DPYD: variants seen among roughly 807,000 people sequenced by gnomAD.
The protein encoded by DPYD is dihydropyrimidine dehydrogenase [NADP(+)].
In DPYD, 109 loss-of-function variants were observed where a neutral mutation model predicts 116.2. That is an observed-to-expected ratio of 0.94 (90% CI 0.80 to 1.10). The LOEUF (loss-of-function observed/expected upper bound fraction) is 1.10, where lower values mean the gene tolerates loss of function less well. Among genes scored for constraint, DPYD ranks in the 50% least tolerant of loss-of-function variants. The probability of loss-of-function intolerance (pLI) is 0.00; values close to 1 mark genes in which losing one functional copy is unlikely to be tolerated. For synonymous variants in DPYD, 440 were observed against 432.0 expected, an observed-to-expected ratio of 1.02 and a Z score of -0.23; for missense variants, 1,302 against 1,254.5, an observed-to-expected ratio of 1.04 and a Z score of -0.57.
intron 20 of DPYD, among the ~76,000 whole-genome samples, chr1:97,121,243 T>C (rs1408456107): frequency 6.6e-6 from 1 of 152,122 alleles, no homozygotes; most frequent in Admixed American, 6.6e-5. Context: ...AAATTGTTTC[T>C]TCAAGCCTTT....
At chr1:97,423,374 A>C (rs1382328820) in intron 14 of DPYD, among the ~76,000 whole-genome samples, 4 of 151,942 alleles carry the variant, frequency 2.6e-5, no homozygotes, top group African/African-American at 9.7e-5. Flanking sequence ...GATTATGGCT[A>C]AGTGGGGTAG....
chr1:97,871,217 C>T (rs1053179643), intron 2 of DPYD, among the ~76,000 whole-genome samples: 2 of 151,874 alleles, frequency 1.3e-5, no homozygotes, highest in African/African-American at 4.8e-5. Context: ...ACCTATAATA[C>T]ATCATACAAT....
chr1:97,755,527 T>A (rs923416668), intron 3 of DPYD, among the ~76,000 whole-genome samples: 16 of 152,188 alleles, frequency 1.1e-4, no homozygotes, highest in African/African-American at 3.9e-4. Context: ...CTGTGCACAA[T>A]GAGTCTGCTT....
intron 3 of DPYD, among the ~76,000 whole-genome samples, chr1:97,807,990 A>AT (rs1291176642): frequency 1.3e-5 from 2 of 152,118 alleles, no homozygotes; most frequent in Non-Finnish European, 2.9e-5. Context: ...TATCCTTTCA[A>AT]TAACACCACA....
At chr1:97,864,010 T>A (rs1336874022) in intron 2 of DPYD, among the ~76,000 whole-genome samples, 2 of 151,948 alleles carry the variant, frequency 1.3e-5, no homozygotes, top group Admixed American at 6.6e-5. Context: ...AGGAACTTAG[T>A]AGGTAAAGGA....
At chr1:97,146,877 A>C (rs1654670218) in intron 20 of DPYD, among the ~76,000 whole-genome samples, 1 of 152,202 alleles carries the variant, frequency 6.6e-6, no homozygotes, top group African/African-American at 2.4e-5. Context: ...GGGAAAAATA[A>C]ACAAAGCTTC....
chr1:97,134,598 C>A (rs1428092917), intron 20 of DPYD, among the ~76,000 whole-genome samples: 1 of 152,152 alleles, frequency 6.6e-6, no homozygotes, highest in Non-Finnish European at 1.5e-5. Context: ...GGAAACGTGT[C>A]AACAAAGGCT....
At chr1:97,778,933 A>G (rs2101198905) in intron 3 of DPYD, among the ~76,000 whole-genome samples, 1 of 152,236 alleles carries the variant, frequency 6.6e-6, no homozygotes, top group East Asian at 1.9e-4. Context: ...TAGCATTGAA[A>G]CATACTGCCA....
intron 13 of DPYD, among the ~76,000 whole-genome samples, chr1:97,467,140 T>C (rs775010887): frequency 5.3e-5 from 8 of 152,150 alleles, no homozygotes; most frequent in Non-Finnish European, 1.0e-4. Flanking sequence ...AACGATAAAA[T>C]ATGTCTCTAA....
chr1:97,776,687 T>G (rs1438737459), intron 3 of DPYD, among the ~76,000 whole-genome samples: 1 of 152,190 alleles, frequency 6.6e-6, no homozygotes, highest in African/African-American at 2.4e-5. Context: ...GATACTCAGC[T>G]TCCTCATTAA....
intron 18 of DPYD, among the ~76,000 whole-genome samples, chr1:97,262,432 C>T (rs1663950223): frequency 6.6e-6 from 1 of 152,028 alleles, no homozygotes; most frequent in African/African-American, 2.4e-5. Context: ...AACATCATCA[C>T]CTTTATCATT....
chr1:97,890,877 T>G (rs981197984), intron 1 of DPYD, among the ~76,000 whole-genome samples: 2 of 151,988 alleles, frequency 1.3e-5, no homozygotes, highest in Admixed American at 1.3e-4. Context: ...TGAATGTAAT[T>G]TATTGGCTAC....
intron 18 of DPYD, among the ~76,000 whole-genome samples, chr1:97,285,975 G>C (rs1369798156): frequency 6.6e-6 from 1 of 152,076 alleles, no homozygotes; most frequent in Non-Finnish European, 1.5e-5. Flanking sequence ...GATGTTAGCT[G>C]GTTATTTTGC....
Position 97,546,394 on chromosome 1 carries a change from A to G in DPYD, c.1524+3166T>C, listed in dbSNP as rs572502238. On this transcript the variant is annotated intron_variant, in intron 12 of 22. Transcript: ENST00000370192. ...GGAAGATGAAGAAGAAGTTTCAGAT[A>G]AGGGCAGTGATTCTGAAGAAGAAGA... The G allele has an allele frequency of 6.1e-6, 9 of 1,485,740 alleles. No homozygotes were observed. The African/African-American group carries it at 8.3e-5, about 14-fold the overall frequency. 92.0% of individuals were successfully genotyped at this position (1,485,740 alleles called of 1,614,324 possible).
chr1:97,510,344 T>C (rs1416045003), intron 13 of DPYD, among the ~76,000 whole-genome samples: 1 of 151,966 alleles, frequency 6.6e-6, no homozygotes, highest in Non-Finnish European at 1.5e-5. Flanking sequence ...ATTTCTCCAG[T>C]TTCTAAAGGA....
intron 3 of DPYD, among the ~76,000 whole-genome samples, chr1:97,827,333 G>T (rs1054268470): frequency 6.6e-6 from 1 of 151,934 alleles, no homozygotes; most frequent in African/African-American, 2.4e-5. Flanking sequence ...TCTTTACAAA[G>T]ATATTGGAAA....
At chr1:97,657,265 A>C (rs1658978846) in intron 8 of DPYD, among the ~76,000 whole-genome samples, 1 of 152,114 alleles carries the variant, frequency 6.6e-6, no homozygotes. Context: ...CACTGTGCCC[A>C]GCCTGTATTC....
chr1:97,530,292 A>T (rs1392903718), intron 12 of DPYD, among the ~76,000 whole-genome samples: 1 of 137,746 alleles, frequency 7.3e-6, no homozygotes, highest in Non-Finnish European at 1.5e-5. Context: ...ATCTCAGCTC[A>T]CTGCAAACTC....
chr1:97,181,113 A>AC (rs1657616216), intron 20 of DPYD, among the ~76,000 whole-genome samples: 1 of 152,118 alleles, frequency 6.6e-6, no homozygotes, highest in African/African-American at 2.4e-5. Flanking sequence ...GCAGGCACTG[A>AC]CAATTGATCA....
Sources: allele counts gnomAD v4.1 joint callset (sites outside exome capture counted in the v4.1 genomes callset), GRCh38; gene constraint gnomAD v4.1.1; transcripts MANE v1.5; gene names NCBI Gene and HGNC (gene_info 2026-07-23, HGNC 2026-07-21).